Variants in REV3L observed in about 807,000 individuals in gnomAD.
REV3L encodes DNA polymerase zeta catalytic subunit.
In REV3L, 69 loss-of-function variants were observed where a neutral mutation model predicts 299.4. That is an observed-to-expected ratio of 0.23 (90% CI 0.19 to 0.28). The LOEUF is 0.28. REV3L is among the 10% of genes least tolerant of loss of function. The pLI is 1.00. For synonymous variants in REV3L, 1,238 were observed against 1,271.4 expected (o/e 0.97, Z 0.56); for missense variants, 3,128 against 3,693.8 (o/e 0.85, Z 3.97).
chr6:111,316,665 C>CAAAA (rs1164418253), intron 26 of REV3L, among the ~76,000 whole-genome samples: 1 of 72,880 alleles, frequency 1.4e-5, no homozygotes. Flanking sequence ...GACTCCGTCT[C>CAAAA]AAAAAAAAAA....
intron 14 of REV3L, 142 bp downstream of exon 14, chr6:111,366,973 C>T (rs959697797): frequency 1.0e-5 from 6 of 600,066 alleles, no homozygotes; most frequent in African/African-American, 5.8e-5. Context: ...TGCCATGTGA[C>T]GACTTTCTAA....
chr6:111,464,358 T>G (rs1791160926), intron 1 of REV3L, among the ~76,000 whole-genome samples: 1 of 152,212 alleles, frequency 6.6e-6, no homozygotes. Context: ...CCCTACCTAC[T>G]GGCAAACACT....
At chr6:111,422,615 C>T (rs9487635) in intron 1 of REV3L, among the ~76,000 whole-genome samples, 2,793 of 13,120 alleles carry the variant, frequency 0.21, 500 homozygotes, top group African/African-American at 0.36. Flanking sequence ...TATATATACA[C>T]ATATATATAT....
intron 3 of REV3L, 72 bp downstream of exon 3, chr6:111,411,408 T>C: frequency 9.8e-7 from 1 of 1,024,622 alleles, no homozygotes; most frequent in Non-Finnish European, 1.4e-6. Flanking sequence ...GAGGCCTTCT[T>C]TCTAGATTTT....
At chr6:111,425,296 A>C (rs1290565498) in intron 1 of REV3L, among the ~76,000 whole-genome samples, 1 of 151,742 alleles carries the variant, frequency 6.6e-6, no homozygotes, top group Non-Finnish European at 1.5e-5. Context: ...CTCTACTAAA[A>C]ATACAAAAAA....
chr6:111,354,746 A>T (rs1777923991), intron 18 of REV3L, among the ~76,000 whole-genome samples: 1 of 152,234 alleles, frequency 6.6e-6, no homozygotes, highest in African/African-American at 2.4e-5. Flanking sequence ...GAAAGAATAA[A>T]GTTGGGTAGA....
Position 111,367,641 on chromosome 6 carries a change from C to T in REV3L, c.6147G>A (p.Val2049=). 2 of 1,614,146 alleles carry T rather than the reference C, an allele frequency of 1.2e-6. No individual in the cohort carries two copies. Among genetic ancestry groups the T allele is most frequent in the Non-Finnish European group, 1.7e-6 (2 of 1,180,016 alleles). The change falls in exon 14 of 32, where the codon GTG becomes GTA. Residue 2049 remains valine (V), a synonymous_variant. Coordinates refer to ENST00000368802, the MANE Select transcript of REV3L (RefSeq NM_001372078.1). ...SSVNPDDKPV[V]PPKMDVSPCI... The stretch of plus-strand genomic sequence containing the variant: ...ATGGACTTACATCCATTTTTGGAGG[C>T]ACTACAGGTTTGTCATCTGGGTTAA...
Position 111,471,949 on chromosome 6 carries a change from T to C in REV3L, c.139+10801A>G, listed in dbSNP as rs1792268028. ...TAAGGGTGAGTAGGATTTACCAACT[T>C]CAATGCCAAGGCTCACCCCCACCCC... On this transcript the variant is annotated intron_variant, in intron 1 of 31. Coordinates refer to ENST00000368802, the MANE Select transcript of REV3L (RefSeq NM_001372078.1). 7.0e-6 allele frequency: 7 copies of C among 995,178 alleles called. 2 individuals carry two copies. The South Asian group carries it at 1.2e-4, about 17-fold the overall frequency. 61.6% of individuals were successfully genotyped at this position (995,178 alleles called of 1,614,324 possible). A position where few individuals can be genotyped will look rare whatever the true frequency, so the allele number is the denominator to read the frequency against.
intron 2 of REV3L, among the ~76,000 whole-genome samples, chr6:111,414,284 G>C (rs1784544402): frequency 6.6e-6 from 1 of 152,038 alleles, no homozygotes; most frequent in African/African-American, 2.4e-5. Flanking sequence ...TGGAGGATTG[G>C]GGAAGGGTAG....
chr6:111,343,138 A>C (rs931925898), intron 21 of REV3L, among the ~76,000 whole-genome samples: 1 of 152,224 alleles, frequency 6.6e-6, no homozygotes, highest in Non-Finnish European at 1.5e-5. Flanking sequence ...TCTTTATTGC[A>C]GTTTTATTCA....
Position 111,358,829 on chromosome 6 carries a change from G to T in REV3L, c.7065C>A (p.Phe2355Leu), listed in dbSNP as rs772739084. 1 of 1,606,922 alleles carries T rather than the reference G, an allele frequency of 6.2e-7. No individual in the cohort carries two copies. The highest frequency in any genetic ancestry group is 1.1e-5 in the South Asian group (1 of 89,966). ...VIVIDKDKTV[F>L]SQDIRYQTPL... is the part of the protein sequence containing the mutation. Reference sequence around the variant, plus strand: ...AATAAAAATGGACAATACCTTGACTGAAAACTGTCTTGTCTTTATCAATCA... The same window carrying T: ...AATAAAAATGGACAATACCTTGACTTAAAACTGTCTTGTCTTTATCAATCA... Residue 2355 changes from phenylalanine (F) to leucine (L), a missense_variant, in exon 17 of 32, where the codon TTC becomes TTA. By Grantham distance (22) the Phe-to-Leu change is conservative. This residue lies in a region of REV3L where 82 missense variants were observed against 142.7 expected (regional missense o/e 0.57). Transcript: ENST00000368802.
chr6:111,393,875 A>G (rs1034312450), intron 4 of REV3L, among the ~76,000 whole-genome samples: 5 of 152,096 alleles, frequency 3.3e-5, no homozygotes, highest in African/African-American at 1.2e-4. Context: ...AGAACATGTG[A>G]TATTTGTCTT....
At chr6:111,431,378 C>G in intron 1 of REV3L, 2 of 964,842 alleles carry the variant, frequency 2.1e-6, no homozygotes, top group Admixed American at 1.7e-5. Flanking sequence ...AAGACAGGCT[C>G]ATAGCGCTGA....
At chr6:111,381,298 A>G in intron 10 of REV3L, 27 bp downstream of exon 10, 1 of 1,608,966 alleles carries the variant, frequency 6.2e-7, no homozygotes, top group Non-Finnish European at 8.5e-7. Context: ...TACAATACTG[A>G]ATATTTATGG....
chr6:111,482,671 T>A, intron 1 of REV3L, 79 bp downstream of exon 1: 1 of 918,548 alleles, frequency 1.1e-6, no homozygotes, highest in Non-Finnish European at 1.4e-6. Context: ...CGGTGGCGTG[T>A]GCGCGTGTGC....
At chr6:111,468,494 A>G (rs1238256118) in intron 1 of REV3L, among the ~76,000 whole-genome samples, 2 of 152,192 alleles carry the variant, frequency 1.3e-5, no homozygotes, top group Non-Finnish European at 2.9e-5. Context: ...TGAGAAGGAA[A>G]TACCATAAGG....
At chr6:111,403,981 C>T (rs1783358058) in intron 4 of REV3L, among the ~76,000 whole-genome samples, 1 of 152,160 alleles carries the variant, frequency 6.6e-6, no homozygotes, top group Non-Finnish European at 1.5e-5. Flanking sequence ...GATGTAGAAG[C>T]TGCAGCAAGT....
chr6:111,404,780 AG>A (rs1470025405), intron 4 of REV3L, among the ~76,000 whole-genome samples: 1 of 152,280 alleles, frequency 6.6e-6, no homozygotes, highest in Non-Finnish European at 1.5e-5. Context: ...CTATAAATAA[AG>A]AACTTTAAAG....
intron 21 of REV3L, among the ~76,000 whole-genome samples, chr6:111,340,953 G>A (rs1254826413): frequency 1.3e-5 from 2 of 150,934 alleles, no homozygotes; most frequent in African/African-American, 2.4e-5. Context: ...TAGAGATTCC[G>A]GGGCTTATAA....
Sources: gnomAD v4.1 joint callset for allele counts (sites outside exome capture counted in the v4.1 genomes callset) on GRCh38, gnomAD v4.1.1 for gene constraint, gnomAD v4.1.1 regional missense constraint, MANE v1.5 for transcripts, NCBI Gene and HGNC (gene_info 2026-07-23, HGNC 2026-07-21) for gene names.